Variants in ROBO2 observed in about 807,000 individuals in gnomAD.
The protein encoded by ROBO2 is roundabout homolog 2.
In ROBO2, 53 loss-of-function variants were observed where a neutral mutation model predicts 160.8. The ratio of observed to expected loss-of-function variants is 0.33; its 90% confidence interval spans 0.26 to 0.41. The LOEUF (loss-of-function observed/expected upper bound fraction) is 0.41. Ranked by LOEUF, ROBO2 falls within the 10% of genes least tolerant of loss-of-function variation. The pLI, the probability that ROBO2 is intolerant of heterozygous loss-of-function variation, is 1.00. For missense variants in ROBO2, 1,577 were observed against 1,722.4 expected (o/e 0.92, Z 1.49); for synonymous variants, 664 against 611.7 (o/e 1.09, Z -1.26).
chr3:77,305,937 A>C (rs543400282), intron 2 of ROBO2, among the ~76,000 whole-genome samples: 2 of 152,178 alleles, frequency 1.3e-5, no homozygotes, highest in Non-Finnish European at 2.9e-5. Context: ...GACTTTCTGT[A>C]ATATATACTG....
chr3:76,020,009 A>G lies in ROBO2; in HGVS notation c.109+82407A>G, dbSNP rs183087891. 9.9e-4 allele frequency among the ~76,000 whole-genome samples: 150 copies of G among 152,110 alleles called. 1 individual carries two copies. Among genetic ancestry groups the G allele is most frequent in the African/African-American group, 3.4e-3 (142 of 41,566 alleles). ...CGGTTTTCTCTGAAGCTCCATGTGT[A>G]TCTGAGAATACTGTGTATTCCTTGG... On this transcript the variant is annotated intron_variant, in intron 2 of 26. Coordinates refer to the ROBO2 transcript ENST00000487694.
chr3:76,512,922 A>C (rs1034824865), intron 2 of ROBO2, among the ~76,000 whole-genome samples: 1 of 152,174 alleles, frequency 6.6e-6, no homozygotes, highest in Admixed American at 6.5e-5. Flanking sequence ...GCGGGCTGGG[A>C]TAACAGCCAT....
intron 2 of ROBO2, among the ~76,000 whole-genome samples, chr3:77,287,766 C>G (rs772974118): frequency 2.6e-5 from 4 of 152,098 alleles, no homozygotes; most frequent in Admixed American, 6.6e-5. Context: ...CTTATTTTTT[C>G]TTTTGCAGAT....
At chr3:77,620,040 G>A (rs569478603) in intron 22 of ROBO2, among the ~76,000 whole-genome samples, 4 of 152,238 alleles carry the variant, frequency 2.6e-5, no homozygotes, top group African/African-American at 9.6e-5. Context: ...TAGATATTTG[G>A]TAAAAGAATG....
chr3:77,293,714 A>G (rs1182469440), intron 2 of ROBO2, among the ~76,000 whole-genome samples: 1 of 142,174 alleles, frequency 7.0e-6, no homozygotes. Flanking sequence ...GTAAAGACAT[A>G]AAGTAAAATT....
chr3:77,412,614 G>C (rs974802124), intron 2 of ROBO2, among the ~76,000 whole-genome samples: 1 of 152,144 alleles, frequency 6.6e-6, no homozygotes, highest in Non-Finnish European at 1.5e-5. Context: ...AACACCCAAG[G>C]CTTGGGCAAT....
At chr3:76,973,017 T>C (rs2059644655) in intron 2 of ROBO2, among the ~76,000 whole-genome samples, 1 of 152,178 alleles carries the variant, frequency 6.6e-6, no homozygotes, top group Non-Finnish European at 1.5e-5. Flanking sequence ...TGCAAGTATA[T>C]ATCAAAGCTG....
chr3:76,370,886 C>T (rs149947787), intron 2 of ROBO2, among the ~76,000 whole-genome samples: 2 of 151,834 alleles, frequency 1.3e-5, no homozygotes, highest in Non-Finnish European at 2.9e-5. Context: ...AGGCCAGGTG[C>T]GGACTCATAT....
At chr3:76,047,545 A>G (rs543236669) in intron 2 of ROBO2, among the ~76,000 whole-genome samples, 4 of 152,312 alleles carry the variant, frequency 2.6e-5, no homozygotes, top group African/African-American at 9.6e-5. Context: ...CAGGATCTGG[A>G]TCTCTGGTCT....
intron 2 of ROBO2, among the ~76,000 whole-genome samples, chr3:76,273,120 A>AATATATAT (rs749043409): frequency 0.027 from 871 of 32,286 alleles, 8 homozygotes; most frequent in Non-Finnish European, 0.087. Flanking sequence ...CACACATATA[A>AATATATAT]ATATATATAT....
At position 77,289,905 on chromosome 3, in the gene ROBO2, T is replaced by C. The variant is rs185317953; in HGVS notation, c.389-187509T>C. Among the ~76,000 whole-genome samples, 144 of 121,196 alleles carry C rather than the reference T, an allele frequency of 1.2e-3. 1 individual carries two copies. Among genetic ancestry groups the C allele is most frequent in the Admixed American group, 2.1e-3 (25 of 11,672 alleles). 79.5% of individuals were successfully genotyped at this position (121,196 alleles called of 152,430 possible). ...AAACGGGAAGTTGAGCCTAGATCCC[T>C]AAAGACATAAAGTAAAATTGATGGT... On this transcript the variant is annotated intron_variant, in intron 2 of 25. Transcript: ENST00000461745.
chr3:76,893,511 T>G (rs568268219), intron 2 of ROBO2, among the ~76,000 whole-genome samples: 53 of 152,252 alleles, frequency 3.5e-4, no homozygotes, highest in African/African-American at 1.2e-3. Flanking sequence ...TAATTTCAAT[T>G]AGTTCATTTT....
At chr3:77,042,301 G>A (rs1219510845) in intron 1 of ROBO2, among the ~76,000 whole-genome samples, 2 of 152,142 alleles carry the variant, frequency 1.3e-5, no homozygotes, top group Non-Finnish European at 1.5e-5. Flanking sequence ...ATTAAAATAC[G>A]TGTACATTAC....
intron 2 of ROBO2, among the ~76,000 whole-genome samples, chr3:76,700,831 CT>C (rs1481677271): frequency 1.3e-5 from 2 of 152,122 alleles, no homozygotes; most frequent in African/African-American, 2.4e-5. Context: ...CCCAGTCAGT[CT>C]TACAATTTTA....
chr3:77,611,464 G>A (rs1464821580), intron 21 of ROBO2, among the ~76,000 whole-genome samples: 1 of 152,064 alleles, frequency 6.6e-6, no homozygotes, highest in Admixed American at 6.5e-5. Flanking sequence ...GAATATTGCA[G>A]CAGAATGGCT....
At chr3:77,579,071 C>G (rs923005996) in intron 15 of ROBO2, among the ~76,000 whole-genome samples, 7 of 152,122 alleles carry the variant, frequency 4.6e-5, no homozygotes, top group Non-Finnish European at 7.4e-5. Context: ...ATTCTGGGAA[C>G]TTACCTGCTC....
chr3:77,386,633 C>T (rs1346106762), intron 2 of ROBO2, among the ~76,000 whole-genome samples: 3 of 30,660 alleles, frequency 9.8e-5, no homozygotes, highest in African/African-American at 1.6e-4. Context: ...AATAGAGCCT[C>T]GCTCCGTCAC....
intron 1 of ROBO2, among the ~76,000 whole-genome samples, chr3:77,082,628 T>A (rs916033150): frequency 4.6e-5 from 7 of 151,626 alleles, no homozygotes; most frequent in Admixed American, 4.0e-4. Flanking sequence ...TATATATATA[T>A]GTATATATTT....
rs556206579 is a variant in ROBO2, at chr3:76,223,493, A to C, written c.109+285891A>C. Among the ~76,000 whole-genome samples the C allele has an allele frequency of 3.9e-5, 6 of 152,126 alleles. No individual in the cohort carries two copies. In the East Asian group the frequency reaches 1.2e-3, roughly 30 times the overall value. On this transcript the variant is annotated intron_variant, in intron 2 of 26. Coordinates refer to the ROBO2 transcript ENST00000487694. ...GGGAGATCTCTTCCACTGGCGAAGA[A>C]GACTCATCAGAATTTAGGTGCTCAA...
Sources: allele counts gnomAD v4.1 joint callset (sites outside exome capture counted in the v4.1 genomes callset), GRCh38; gene constraint gnomAD v4.1.1; transcripts MANE v1.5; gene names NCBI Gene and HGNC (gene_info 2026-07-23, HGNC 2026-07-21).